The following SLC16A7 variants were observed in gnomAD, a reference collection of about 807,000 sequenced individuals.
SLC16A7 encodes solute carrier family 16 member 7, also known as monocarboxylate transporter 2.
In SLC16A7, 33 loss-of-function variants were observed where a neutral mutation model predicts 34.9. That is an observed-to-expected ratio of 0.94 (90% CI 0.72 to 1.26). The LOEUF is 1.26. SLC16A7 is among the 50% of genes most tolerant of loss of function. SLC16A7 has a pLI of 0.00. For synonymous variants in SLC16A7, 201 were observed against 206.6 expected (o/e 0.97, Z 0.23); for missense variants, 573 against 578.1 (o/e 0.99, Z 0.09).
At chr12:59,619,924 A>T (rs1328187072) in intron 1 of SLC16A7, among the ~76,000 whole-genome samples, 2 of 152,072 alleles carry the variant, frequency 1.3e-5, no homozygotes, top group Non-Finnish European at 2.9e-5. Flanking sequence ...TACAGAAAAC[A>T]ATCCAAGGCA....
At chr12:59,720,826 A>G (rs1167902435) in intron 3 of SLC16A7, among the ~76,000 whole-genome samples, 1 of 152,106 alleles carries the variant, frequency 6.6e-6, no homozygotes, top group Non-Finnish European at 1.5e-5. Flanking sequence ...CTGTTAAGCT[A>G]TTGATATACT....
At chr12:59,680,866 C>A (rs1415321264) in intron 2 of SLC16A7, among the ~76,000 whole-genome samples, 1 of 152,092 alleles carries the variant, frequency 6.6e-6, no homozygotes, top group East Asian at 1.9e-4. Flanking sequence ...TTTCTATGAC[C>A]CTGAATTCTC....
rs146275586 is a variant in SLC16A7 at position 59,602,557 on chromosome 12, C to T, written c.-130+6321C>T. 4.9e-3 allele frequency among the ~76,000 whole-genome samples: 697 copies of T among 142,928 alleles called. 6 individuals are homozygous for T. Among genetic ancestry groups the T allele is most frequent in the African/African-American group, 0.017 (669 of 38,388 alleles). The allele number at this position is 142,928 out of a possible 152,430, so 93.8% of individuals were successfully genotyped here. Reference sequence around the variant, plus strand: ...TGGGTGCAATGACATGAACTTGGCTCACTGCAACCACCACCTCCTGAGTTC... The same window carrying T: ...TGGGTGCAATGACATGAACTTGGCTTACTGCAACCACCACCTCCTGAGTTC... On this transcript the variant is annotated intron_variant, in intron 1 of 5. Transcript: ENST00000547379.
At chr12:59,672,061 G>A (rs1195852448) in intron 2 of SLC16A7, among the ~76,000 whole-genome samples, 209 of 226 alleles carry the variant, frequency 0.92, 101 homozygotes, top group South Asian at 1. Context: ...TGTATATATC[G>A]CATATATCCG....
At chr12:59,634,969 T>C (rs1880350832) in intron 1 of SLC16A7, among the ~76,000 whole-genome samples, 2 of 152,080 alleles carry the variant, frequency 1.3e-5, no homozygotes, top group South Asian at 2.1e-4. Context: ...GTTCAGCTGA[T>C]GCACTTGAGA....
At chr12:59,667,399 C>T (rs1407504033) in intron 2 of SLC16A7, among the ~76,000 whole-genome samples, 1 of 152,150 alleles carries the variant, frequency 6.6e-6, no homozygotes, top group Non-Finnish European at 1.5e-5. Flanking sequence ...GTCCAAAATG[C>T]TGACAGTGAT....
chr12:59,624,148 G>A (rs1179172093), intron 1 of SLC16A7, among the ~76,000 whole-genome samples: 4 of 151,226 alleles, frequency 2.6e-5, no homozygotes, highest in East Asian at 3.9e-4. Context: ...GAACCTACCA[G>A]CCAACTCAAT....
At chr12:59,766,527 G>T (rs1283544771) in intron 3 of SLC16A7, among the ~76,000 whole-genome samples, 1 of 152,170 alleles carries the variant, frequency 6.6e-6, no homozygotes. Flanking sequence ...TTTATTGAGA[G>T]ATTTTAGCAT....
At chr12:59,621,504 C>A (rs930180050) in intron 1 of SLC16A7, among the ~76,000 whole-genome samples, 4 of 151,744 alleles carry the variant, frequency 2.6e-5, no homozygotes, top group African/African-American at 9.7e-5. Flanking sequence ...ATTTGAATGC[C>A]TTACTTCTCT....
At chr12:59,739,150 G>A (rs1207227061) in intron 3 of SLC16A7, among the ~76,000 whole-genome samples, 3 of 149,810 alleles carry the variant, frequency 2.0e-5, no homozygotes, top group African/African-American at 4.9e-5. Context: ...CCATTAACTC[G>A]TCATTTAGCA....
In SLC16A7 at chr12:59,690,748, A is replaced by G. The variant is rs148342888; in HGVS notation, c.-30-14024A>G. ...TTACAAAAAGGGTGACTTAACTTTC[A>G]GAGCTTCTCCTGTGTCTGCTGGTTC... On this transcript the variant is annotated intron_variant, in intron 2 of 5. Coordinates refer to ENST00000547379, the MANE Select transcript of SLC16A7 (RefSeq NM_001270623.2). Among the ~76,000 whole-genome samples the G allele has an allele frequency of 1.0e-3, 157 of 152,110 alleles. 2 individuals carry two copies. Among genetic ancestry groups the G allele is most frequent in the African/African-American group, 3.7e-3 (152 of 41,532 alleles).
intron 3 of SLC16A7, among the ~76,000 whole-genome samples, chr12:59,761,634 T>C (rs1031457321): frequency 2.0e-5 from 3 of 152,110 alleles, no homozygotes; most frequent in African/African-American, 7.2e-5. Flanking sequence ...GTACCATGAG[T>C]ACATGTGTAA....
intron 1 of SLC16A7, among the ~76,000 whole-genome samples, chr12:59,635,388 C>G (rs1007053168): frequency 3.3e-5 from 5 of 152,024 alleles, no homozygotes; most frequent in African/African-American, 1.2e-4. Flanking sequence ...AAACAAATTC[C>G]TCAGTTTTAT....
At chr12:59,744,292 G>C (rs2706290) in intron 3 of SLC16A7, among the ~76,000 whole-genome samples, 18,607 of 151,912 alleles carry the variant, frequency 0.12, 1,479 homozygotes, top group African/African-American at 0.22. Flanking sequence ...CCTAGGCTCT[G>C]CTGGCAGAGA....
chr12:59,693,721 G>A (rs12299629), intron 2 of SLC16A7, among the ~76,000 whole-genome samples: 3,325 of 151,920 alleles, frequency 0.022, 131 homozygotes, highest in African/African-American at 0.075. Context: ...AAATTCTGAT[G>A]AACAAGACCA....
intron 1 of SLC16A7, among the ~76,000 whole-genome samples, chr12:59,613,549 TC>T (rs1187195897): frequency 2.0e-5 from 3 of 152,230 alleles, no homozygotes; most frequent in African/African-American, 7.2e-5. Context: ...GTGGAACTTT[TC>T]TTTGCAGTTG....
chr12:59,731,002 T>C (rs2711680), intron 3 of SLC16A7, among the ~76,000 whole-genome samples: 18,650 of 152,182 alleles, frequency 0.12, 1,496 homozygotes, highest in African/African-American at 0.22. Flanking sequence ...AAAGCATACA[T>C]GTTTGTTTAT....
chr12:59,768,273 G>GTT (rs1393254805), intron 3 of SLC16A7: 2 of 450,716 alleles, frequency 4.4e-6, no homozygotes, highest in East Asian at 1.4e-4. Flanking sequence ...TTTGGAAGAA[G>GTT]TTTATTTCAA....
At chr12:59,756,605 A>G (rs1880381356) in intron 3 of SLC16A7, among the ~76,000 whole-genome samples, 1 of 151,220 alleles carries the variant, frequency 6.6e-6, no homozygotes. Context: ...GTCAGGAAAC[A>G]ACAGGTGCTG....
Sources: allele counts gnomAD v4.1 joint callset (sites outside exome capture counted in the v4.1 genomes callset), GRCh38; gene constraint gnomAD v4.1.1; transcripts MANE v1.5; gene names NCBI Gene and HGNC (gene_info 2026-07-23, HGNC 2026-07-21).